The following XRRA1 variants were observed in gnomAD, a reference collection of about 807,000 sequenced individuals.
XRRA1 encodes the protein X-ray radiation resistance associated 1, also known as X-ray radiation resistance-associated protein 1.
In XRRA1, 69 loss-of-function variants were observed where a neutral mutation model predicts 80.2. That is an observed-to-expected ratio of 0.86 (90% confidence interval 0.71 to 1.05). The LOEUF is 1.05. Among genes scored for constraint, XRRA1 ranks in the 50% least tolerant of loss-of-function variants. The probability of loss-of-function intolerance (pLI) is 0.00; values close to 1 mark genes in which losing one functional copy is unlikely to be tolerated. For missense variants in XRRA1, 967 were observed against 976.4 expected (o/e 0.99, Z 0.13); for synonymous variants, 348 against 389.9 (o/e 0.89, Z 1.27).
chr11:74,896,835 C>T (rs1332752721), intron 10 of XRRA1, among the ~76,000 whole-genome samples: 1 of 152,204 alleles, frequency 6.6e-6, no homozygotes, highest in Non-Finnish European at 1.5e-5. Context: ...CAAGATGGTG[C>T]ATGTACAAGT....
At chr11:74,927,314 T>A (rs1208520498) in intron 7 of XRRA1, 77 bp downstream of exon 7, 2 of 619,358 alleles carry the variant, frequency 3.2e-6, no homozygotes, top group African/African-American at 4.1e-5. Context: ...TCCCAACAGT[T>A]ATAATCAGTA....
rs772835328 is a variant in XRRA1 at position 74,869,846 on chromosome 11, C to T, written c.1004-6825G>A. Among the ~76,000 whole-genome samples the T allele has an allele frequency of 2.6e-4, 40 of 152,288 alleles. 1 individual carries two copies. Among genetic ancestry groups the T allele is most frequent in the Admixed American group, 1.2e-3 (19 of 15,298 alleles). On this transcript the variant is annotated intron_variant, in intron 10 of 18. Transcript: ENST00000684022. ...TGACAAGCCATTTCTCTGGGATCCC[C>T]CTCTCCAGCAGAAAGCTATTCTCTT...
intron 8 of XRRA1, among the ~76,000 whole-genome samples, chr11:74,915,876 G>T (rs1487073200): frequency 2.6e-5 from 4 of 151,984 alleles, no homozygotes; most frequent in African/African-American, 9.7e-5. Flanking sequence ...TTTACCTTTT[G>T]TTTATCTGGG....
At chr11:74,861,900 GT>G (rs2042384875) in intron 11 of XRRA1, among the ~76,000 whole-genome samples, 1 of 152,200 alleles carries the variant, frequency 6.6e-6, no homozygotes, top group Non-Finnish European at 1.5e-5. Context: ...GGCCTCTGAA[GT>G]GAAGGAAATC....
At chr11:74,889,054 C>G (rs577264028) in intron 10 of XRRA1, among the ~76,000 whole-genome samples, 189 of 152,180 alleles carry the variant, frequency 1.2e-3, no homozygotes, top group African/African-American at 4.4e-3. Context: ...ATACACAGAA[C>G]GCCACAAAGA....
rs1336403139 is a variant in XRRA1 at position 74,876,831 on chromosome 11, A to G, written c.1004-13810T>C. ...TCCTACTCAGTCCCACTCCTACCTT[A>G]TCAGATACTTTCAGTTATTTCTACT... On this transcript the variant is annotated intron_variant, in intron 10 of 18. Coordinates refer to ENST00000684022, the MANE Select transcript of XRRA1 (RefSeq NM_001378157.1). The G allele has an allele frequency of 4.6e-5, 7 of 152,236 alleles. No homozygotes were observed. In the East Asian group the frequency reaches 1.3e-3, roughly 29 times the overall value. The allele number at this position is 152,236 out of a possible 1,614,324, so 9.4% of individuals were successfully genotyped here.
chr11:74,941,496 T>C (rs574609236), intron 2 of XRRA1, among the ~76,000 whole-genome samples: 2 of 152,098 alleles, frequency 1.3e-5, no homozygotes, highest in East Asian at 1.9e-4. Flanking sequence ...AAAGAAACAA[T>C]GTGACCCAAG....
intron 10 of XRRA1, among the ~76,000 whole-genome samples, chr11:74,873,769 C>A (rs2045428577): frequency 6.6e-6 from 1 of 152,122 alleles, no homozygotes; most frequent in Non-Finnish European, 1.5e-5. Flanking sequence ...AGTGAAGTAC[C>A]TGGGTGTAGT....
In XRRA1 at chr11:74,844,236, G is replaced by A; in HGVS notation, c.1975C>T (p.Leu659Phe). The A allele has an allele frequency of 6.2e-7, 1 of 1,613,792 alleles. No individual in the cohort carries two copies. The highest frequency in any genetic ancestry group is 8.5e-7 in the Non-Finnish European group (1 of 1,179,870). The change falls in exon 17 of 19, where the codon CTC becomes TTC. Residue 659 changes from leucine (L) to phenylalanine (F), a missense_variant. Coordinates refer to ENST00000684022, the MANE Select transcript of XRRA1 (RefSeq NM_001378157.1). ...QALQQMLKHP[L>F]LCHSSKPKLD... ...TTGGGCTTGGAGGAGTGGCACAGGA[G>A]TGGGTGCTTCAGCATTTGTTGCAGG...
chr11:74,864,180 A>C (rs2042899467), intron 10 of XRRA1: 3 of 152,220 alleles, frequency 2.0e-5, no homozygotes, highest in Admixed American at 2.0e-4. Context: ...GAAATTCAAA[A>C]GTTTCACTCC....
intron 10 of XRRA1, among the ~76,000 whole-genome samples, chr11:74,897,546 C>T (rs891613419): frequency 1.3e-5 from 2 of 151,762 alleles, no homozygotes; most frequent in Non-Finnish European, 2.9e-5. Context: ...GCCTAAGAAG[C>T]CTACTTCAAG....
chr11:74,856,146 C>A (rs76942922), intron 12 of XRRA1, among the ~76,000 whole-genome samples: 10,155 of 152,052 alleles, frequency 0.067, 439 homozygotes, highest in Middle Eastern at 0.14. Flanking sequence ...ACAACAACAA[C>A]AAAAATCATT....
chr11:74,860,752 G>A (rs985387803), intron 11 of XRRA1, among the ~76,000 whole-genome samples: 2 of 152,218 alleles, frequency 1.3e-5, no homozygotes, highest in Non-Finnish European at 2.9e-5. Flanking sequence ...CTACCCTCCT[G>A]AAATTAGACT....
intron 12 of XRRA1, among the ~76,000 whole-genome samples, chr11:74,853,120 T>C (rs1288482455): frequency 1.3e-5 from 2 of 152,228 alleles, no homozygotes; most frequent in East Asian, 3.8e-4. Flanking sequence ...GAGCACTGTC[T>C]AGTGGGAAAC....
At chr11:74,843,561 G>A (rs550529453) in intron 18 of XRRA1, 108 bp from the exon 19 acceptor site, 3 of 1,455,112 alleles carry the variant, frequency 2.1e-6, no homozygotes, top group African/African-American at 2.8e-5. Flanking sequence ...TGGTGTGGCA[G>A]GAGGATGCTA....
chr11:74,944,437 A>C (rs1947081033), intron 2 of XRRA1, among the ~76,000 whole-genome samples: 1 of 152,190 alleles, frequency 6.6e-6, no homozygotes. Flanking sequence ...TATTCCTAAC[A>C]AAGCACCTAA....
chr11:74,891,133 A>C (rs2050579079), intron 10 of XRRA1, among the ~76,000 whole-genome samples: 1 of 152,200 alleles, frequency 6.6e-6, no homozygotes, highest in African/African-American at 2.4e-5. Flanking sequence ...TCCCTGATGA[A>C]CATTGATGCA....
chr11:74,894,860 T>A (rs2051838785), intron 10 of XRRA1, among the ~76,000 whole-genome samples: 1 of 152,112 alleles, frequency 6.6e-6, no homozygotes, highest in Admixed American at 6.5e-5. Flanking sequence ...AAAGAAGATA[T>A]AAAACTGTCC....
At chr11:74,899,859 C>T (rs555184355) in intron 10 of XRRA1, among the ~76,000 whole-genome samples, 89 of 152,136 alleles carry the variant, frequency 5.9e-4, no homozygotes, top group African/African-American at 2.0e-3. Context: ...TCAAACTGTT[C>T]GGAAAGATAA....
Sources: gnomAD v4.1 joint callset for allele counts (sites outside exome capture counted in the v4.1 genomes callset) on GRCh38, gnomAD v4.1.1 for gene constraint, MANE v1.5 for transcripts, NCBI Gene and HGNC (gene_info 2026-07-23, HGNC 2026-07-21) for gene names.